The following VPS45 variants were observed in gnomAD, a reference collection of about 807,000 sequenced individuals.
VPS45 encodes the protein vacuolar protein sorting 45 homolog.
In VPS45, 35 loss-of-function variants were observed where a neutral mutation model predicts 75.9. The ratio of observed to expected loss-of-function variants is 0.46; its 90% CI spans 0.35 to 0.61. The LOEUF is 0.61. VPS45 is among the 20% of genes least tolerant of loss of function. The pLI is 0.00. For missense variants in VPS45, 559 were observed against 685.9 expected, an observed-to-expected ratio of 0.81 and a Z score of 2.07; for synonymous variants, 220 against 238.2, an observed-to-expected ratio of 0.92 and a Z score of 0.70.
Position 150,081,436 on chromosome 1 carries a change from A to T in VPS45, c.782A>T (p.Glu261Val), listed in dbSNP as rs1655704223. 6.2e-7 allele frequency: 1 copy of T among 1,601,488 alleles called. No individual in the cohort carries two copies. ...CCGGGAATCAGTAAAGACTTAAGAG[A>T]AGTGGTCCTATCTGCTGAAAATGAT... The part of the protein sequence containing the change: ...RVPGISKDLR[E>V]VVLSAENDEF... The change falls in exon 8 of 15, where the codon GAA (glutamate) becomes GTA (valine). Residue 261 changes from glutamate to valine, a missense_variant. Coordinates refer to ENST00000644510, the MANE Select transcript of VPS45 (RefSeq NM_007259.5).
intron 13 of VPS45, among the ~76,000 whole-genome samples, chr1:150,099,816 G>A (rs1656873915): frequency 1.6e-5 from 2 of 122,582 alleles, no homozygotes; most frequent in Admixed American, 2.1e-4. Context: ...CTGGGGGACA[G>A]AGCGAGACTC....
At chr1:150,071,385 CAG>C (rs1267792531) in intron 2 of VPS45, among the ~76,000 whole-genome samples, 10 of 152,304 alleles carry the variant, frequency 6.6e-5, no homozygotes, top group South Asian at 2.1e-4. Flanking sequence ...TGTAGTTGTG[CAG>C]AGTCTTACAT....
intron 14 of VPS45, among the ~76,000 whole-genome samples, chr1:150,111,048 T>C (rs1321364004): frequency 2.0e-5 from 3 of 152,242 alleles, no homozygotes; most frequent in Non-Finnish European, 4.4e-5. Context: ...AGTTTTTCTA[T>C]TTTGTTGATT....
rs1199106238 is a variant in VPS45, at chr1:150,071,386, A to G, written c.229-780A>G. Among the ~76,000 whole-genome samples the G allele has an allele frequency of 4.6e-5, 7 of 152,246 alleles. No homozygotes were observed. In the South Asian group the frequency reaches 1.2e-3, roughly 27 times the overall value. ...TACTTCACAAACATTGTAGTTGTGC[A>G]GAGTCTTACATCCCAATAAGTTAAA... On this transcript the variant is annotated intron_variant, in intron 2 of 14. Coordinates refer to ENST00000644510, the MANE Select transcript of VPS45 (RefSeq NM_007259.5).
chr1:150,102,235 CAAAAAAA>C (rs1208831311), intron 13 of VPS45, among the ~76,000 whole-genome samples: 1 of 94,706 alleles, frequency 1.1e-5, no homozygotes, highest in Admixed American at 1.2e-4. Context: ...GAGACTCCGT[CAAAAAAA>C]AAAAAAAAAA....
At chr1:150,094,275 T>TG (rs1411775488) in intron 13 of VPS45, among the ~76,000 whole-genome samples, 10 of 151,750 alleles carry the variant, frequency 6.6e-5, no homozygotes, top group South Asian at 2.1e-4. Context: ...ATATATTTTT[T>TG]TTGTTGGAAC....
At chr1:150,103,506 G>A (rs1322193248) in intron 13 of VPS45, among the ~76,000 whole-genome samples, 1 of 152,090 alleles carries the variant, frequency 6.6e-6, no homozygotes, top group Non-Finnish European at 1.5e-5. Context: ...AGCTCTAAGA[G>A]CCTATCCCTG....
intron 13 of VPS45, among the ~76,000 whole-genome samples, chr1:150,107,633 C>T (rs587723377): frequency 3.7e-4 from 57 of 152,306 alleles, no homozygotes; most frequent in Admixed American, 2.2e-3. Flanking sequence ...CATGGTGGCT[C>T]ACACCTGTAA....
intron 13 of VPS45, among the ~76,000 whole-genome samples, chr1:150,106,834 G>C (rs782521486): frequency 2.6e-5 from 4 of 152,122 alleles, no homozygotes; most frequent in Non-Finnish European, 5.9e-5. Flanking sequence ...ACTGTCTTCT[G>C]TTTCTCAATT....
intron 14 of VPS45, among the ~76,000 whole-genome samples, chr1:150,115,743 C>T (rs1426409145): frequency 1.3e-5 from 2 of 152,192 alleles, no homozygotes; most frequent in African/African-American, 4.8e-5. Flanking sequence ...CAAAGCATAT[C>T]TCCTTGTGCA....
At chr1:150,123,538 T>C (rs587622359) in intron 14 of VPS45, among the ~76,000 whole-genome samples, 1 of 152,318 alleles carries the variant, frequency 6.6e-6, no homozygotes, top group South Asian at 2.1e-4. Flanking sequence ...TGAGCCATTA[T>C]TGTAGTTGGT....
chr1:150,110,884 G>A (rs1657614939), intron 14 of VPS45, among the ~76,000 whole-genome samples: 1 of 152,070 alleles, frequency 6.6e-6, no homozygotes, highest in African/African-American at 2.4e-5. Flanking sequence ...TTAACAATTT[G>A]TATTTCCTGT....
At chr1:150,130,984 G>C (rs2101647653) in intron 14 of VPS45, among the ~76,000 whole-genome samples, 1 of 152,178 alleles carries the variant, frequency 6.6e-6, no homozygotes, top group African/African-American at 2.4e-5. Context: ...CATATAGCAG[G>C]GAAATACAGA....
intron 14 of VPS45, among the ~76,000 whole-genome samples, chr1:150,129,578 GA>G (rs1658708547): frequency 6.6e-6 from 1 of 151,388 alleles, no homozygotes; most frequent in African/African-American, 2.4e-5. Context: ...TTATTTATTT[GA>G]GACGGAGTCT....
chr1:150,072,025 A>G (rs2101494820), intron 2 of VPS45, 141 bp from the exon 3 acceptor site: 1 of 456,888 alleles, frequency 2.2e-6, no homozygotes, highest in African/African-American at 2.0e-5. Flanking sequence ...TCCAGCCCTT[A>G]CCCACCAACA....
At chr1:150,119,697 A>T (rs1658130658) in intron 14 of VPS45, among the ~76,000 whole-genome samples, 1 of 152,230 alleles carries the variant, frequency 6.6e-6, no homozygotes, top group Non-Finnish European at 1.5e-5. Flanking sequence ...GAAAGAAATG[A>T]TATCTTGTCA....
At chr1:150,070,630 AAAATAC>A (rs1454079098) in intron 2 of VPS45, among the ~76,000 whole-genome samples, 1 of 7,116 alleles carries the variant, frequency 1.4e-4, no homozygotes, top group Non-Finnish European at 2.4e-4. Flanking sequence ...GTCTCTACTA[AAAATAC>A]AAAAAAAAAA....
chr1:150,094,568 G>C (rs184822122), intron 13 of VPS45, among the ~76,000 whole-genome samples: 4 of 151,650 alleles, frequency 2.6e-5, no homozygotes, highest in East Asian at 1.9e-4. Flanking sequence ...TCTTTTAAAA[G>C]TCCAAGGTTG....
chr1:150,076,158 TA>T, intron 3 of VPS45, 74 bp from the exon 4 acceptor site: 1 of 1,098,358 alleles, frequency 9.1e-7, no homozygotes, highest in South Asian at 2.0e-5. Flanking sequence ...CATTAGGCTT[TA>T]ACTATCAGGC....
Sources: gnomAD v4.1 joint callset for allele counts (sites outside exome capture counted in the v4.1 genomes callset) on GRCh38, gnomAD v4.1.1 for gene constraint, MANE v1.5 for transcripts, NCBI Gene and HGNC (gene_info 2026-07-23, HGNC 2026-07-21) for gene names.